Variants in SCOC observed in about 807,000 individuals in gnomAD.
The protein encoded by SCOC is short coiled-coil protein, also known as short coiled coil protein.
Under a neutral mutation model 9.9 loss-of-function variants are expected in SCOC, and 7 were observed. That is an observed-to-expected ratio of 0.71 (90% CI 0.40 to 1.33). The LOEUF is 1.33. SCOC is among the 40% of genes most tolerant of loss of function. SCOC has a pLI of 0.01. For synonymous variants in SCOC, 19 were observed against 28.2 expected, an observed-to-expected ratio of 0.67 and a Z score of 1.03; for missense variants, 66 against 89.7, an observed-to-expected ratio of 0.74 and a Z score of 1.07.
chr4:140,270,342 TA>T (rs1290112497), intron 1 of SCOC, among the ~76,000 whole-genome samples: 2 of 152,102 alleles, frequency 1.3e-5, no homozygotes, highest in East Asian at 3.9e-4. Flanking sequence ...TTATGATTAT[TA>T]TTTTTTTAGA....
chr4:140,311,761 G>A (rs1003492594), intron 1 of SCOC, among the ~76,000 whole-genome samples: 6 of 151,960 alleles, frequency 3.9e-5, no homozygotes, highest in African/African-American at 1.5e-4. Flanking sequence ...TTCTTACCTG[G>A]GAAATTGAGA....
At chr4:140,355,222 T>TATATATATG (rs1560716528) in intron 2 of SCOC, among the ~76,000 whole-genome samples, 2 of 33,336 alleles carry the variant, frequency 6.0e-5, no homozygotes, top group African/African-American at 1.4e-4. Context: ...TATATATATA[T>TATATATATG]ATATATATAT....
At chr4:140,338,579 C>A (rs1300776322), upstream of SCOC, among the ~76,000 whole-genome samples, 2 of 152,190 alleles carry the variant, frequency 1.3e-5, no homozygotes, top group Non-Finnish European at 2.9e-5. Context: ...TCTCCTTAAG[C>A]TGATAAGCAA....
At position 140,265,263 on chromosome 4, in the gene SCOC, C is replaced by T. The variant is rs1225089296; in HGVS notation, c.-19+7853C>T. 2.0e-5 allele frequency among the ~76,000 whole-genome samples: 3 copies of T among 152,114 alleles called. No individual in the cohort carries two copies. The East Asian group carries it at 5.8e-4, about 29-fold the overall frequency. ...TGGTTGTAGTTCCCAAAAGTCGGTC[C>T]CTGAGTCAAGGAAATCAGAACCCAA... On this transcript the variant is annotated intron_variant, in intron 1 of 4. Coordinates refer to the SCOC transcript ENST00000394205.
intron 1 of SCOC, among the ~76,000 whole-genome samples, chr4:140,325,407 T>C (rs1732615966): frequency 1.3e-5 from 2 of 151,878 alleles, no homozygotes; most frequent in African/African-American, 4.8e-5. Context: ...GGGGAAAAAA[T>C]TGCAAATCAC....
At chr4:140,266,243 G>C (rs1257940696) in intron 1 of SCOC, among the ~76,000 whole-genome samples, 4 of 152,162 alleles carry the variant, frequency 2.6e-5, no homozygotes, top group South Asian at 2.1e-4. Context: ...TGGGGAAGAT[G>C]GCAAGTAGAG....
At chr4:140,259,593 C>T (rs1730584206) in intron 1 of SCOC, among the ~76,000 whole-genome samples, 2 of 152,126 alleles carry the variant, frequency 1.3e-5, no homozygotes, top group African/African-American at 4.8e-5. Flanking sequence ...AGTGTAGTCC[C>T]AGTTACTCAG....
intron 1 of SCOC, among the ~76,000 whole-genome samples, chr4:140,279,435 G>T (rs996152445): frequency 1.6e-4 from 24 of 152,164 alleles, no homozygotes; most frequent in Non-Finnish European, 4.4e-5. Flanking sequence ...TCACTGAAGT[G>T]ATTGGCACAT....
At chr4:140,351,349 G>A (rs1027341002) in intron 2 of SCOC, among the ~76,000 whole-genome samples, 7 of 151,846 alleles carry the variant, frequency 4.6e-5, no homozygotes, top group Admixed American at 2.0e-4. Context: ...CTTTATACAA[G>A]AGCACGATTC....
chr4:140,362,292 T>TCTCCTTCTTCTTCTC (rs1727565880), intron 2 of SCOC, among the ~76,000 whole-genome samples: 1 of 20,974 alleles, frequency 4.8e-5, no homozygotes, highest in African/African-American at 3.0e-4. Flanking sequence ...TTCTTCTTCT[T>TCTCCTTCTTCTTCTC]CTTCTTCTTT....
At chr4:140,356,394 C>T (rs893037750) in intron 2 of SCOC, among the ~76,000 whole-genome samples, 1 of 152,196 alleles carries the variant, frequency 6.6e-6, no homozygotes, top group Non-Finnish European at 1.5e-5. Flanking sequence ...CCCTACATCA[C>T]TCTCACCCAA....
chr4:140,359,845 C>G (rs1727386163), intron 2 of SCOC, among the ~76,000 whole-genome samples: 1 of 152,154 alleles, frequency 6.6e-6, no homozygotes, highest in Non-Finnish European at 1.5e-5. Flanking sequence ...ACCCAGGATA[C>G]AATAGTGAGG....
In SCOC at chr4:140,310,430, A is replaced by G. The variant is rs182967286; in HGVS notation, c.-18-33191A>G. Reference sequence around the variant, plus strand: ...GTGGGATTGGTATATCCTTTTTTACAAGGTTCTGGTCAAATCTTAAATAAA... The same window carrying G: ...GTGGGATTGGTATATCCTTTTTTACGAGGTTCTGGTCAAATCTTAAATAAA... On this transcript the variant is annotated intron_variant, in intron 1 of 4. Coordinates refer to the SCOC transcript ENST00000394205. Among the ~76,000 whole-genome samples, 279 of 152,244 alleles carry G rather than the reference A, an allele frequency of 1.8e-3. 3 individuals carry two copies. The highest frequency in any genetic ancestry group is 2.4e-3 in the Non-Finnish European group (164 of 68,004).
chr4:140,274,934 C>T (rs1318434457), intron 1 of SCOC, among the ~76,000 whole-genome samples: 4 of 152,160 alleles, frequency 2.6e-5, no homozygotes, highest in African/African-American at 9.7e-5. Context: ...GGGTGTTAAT[C>T]TTTCTTGCTT....
At chr4:140,276,212 C>T (rs1730977704) in intron 1 of SCOC, among the ~76,000 whole-genome samples, 1 of 152,120 alleles carries the variant, frequency 6.6e-6, no homozygotes, top group Admixed American at 6.5e-5. Flanking sequence ...CCGTGTTAGC[C>T]AGGATGGTCT....
At chr4:140,362,754 C>G (rs1428906762) in intron 2 of SCOC, 1 of 152,086 alleles carries the variant, frequency 6.6e-6, no homozygotes, top group African/African-American at 2.4e-5. Context: ...GGTTCTCTTC[C>G]TTTTTAAACT....
chr4:140,313,684 T>C (rs1348865987), intron 1 of SCOC, among the ~76,000 whole-genome samples: 2 of 152,186 alleles, frequency 1.3e-5, no homozygotes, highest in East Asian at 3.8e-4. Flanking sequence ...CCTAAGCTAG[T>C]ATCCCGGTGG....
At chr4:140,313,595 T>C (rs1315199954) in intron 1 of SCOC, among the ~76,000 whole-genome samples, 1 of 151,812 alleles carries the variant, frequency 6.6e-6, no homozygotes, top group Non-Finnish European at 1.5e-5. Context: ...GTGTGGAGAG[T>C]AATAATGGCA....
intron 1 of SCOC, among the ~76,000 whole-genome samples, chr4:140,336,613 T>C (rs1732964443): frequency 6.6e-6 from 1 of 152,224 alleles, no homozygotes; most frequent in Non-Finnish European, 1.5e-5. Flanking sequence ...CACAATTTAT[T>C]TATCCATTTC....
Sources: allele counts gnomAD v4.1 joint callset (sites outside exome capture counted in the v4.1 genomes callset), GRCh38; gene constraint gnomAD v4.1.1; transcripts MANE v1.5; gene names NCBI Gene and HGNC (gene_info 2026-07-23, HGNC 2026-07-21).